The following PDE7A variants were observed in gnomAD, a reference collection of about 807,000 sequenced individuals.
PDE7A encodes the protein high affinity 3',5'-cyclic-AMP phosphodiesterase 7A.
Under a neutral mutation model 64.3 loss-of-function variants are expected in PDE7A, and 39 were observed. That is an observed-to-expected ratio of 0.61 (90% CI 0.47 to 0.79). The LOEUF is 0.79. Among genes scored for constraint, PDE7A ranks in the 30% least tolerant of loss-of-function variants. The pLI, the probability that PDE7A is intolerant of heterozygous loss-of-function variation, is 0.00. For missense variants in PDE7A, 470 were observed against 582.8 expected (o/e 0.81, Z 1.99); for synonymous variants, 203 against 206.8 (o/e 0.98, Z 0.16).
At chr8:65,719,699 G>T in intron 12 of PDE7A, 3 of 553,286 alleles carry the variant, frequency 5.4e-6, no homozygotes, top group South Asian at 2.5e-5. Context: ...GTAACTCAAT[G>T]GAAATTTGAG....
At chr8:65,738,273 C>T (rs752564175) in intron 6 of PDE7A, among the ~76,000 whole-genome samples, 64 of 123,870 alleles carry the variant, frequency 5.2e-4, no homozygotes, top group Non-Finnish European at 2.8e-4. Flanking sequence ...TTGTATATAA[C>T]CAAATAAATT....
chr8:65,837,833 T>C (rs376361833), intron 1 of PDE7A, among the ~76,000 whole-genome samples: 4 of 152,282 alleles, frequency 2.6e-5, no homozygotes, highest in African/African-American at 7.2e-5. Context: ...AATACCTGCA[T>C]CAGCTGCTCA....
chr8:65,769,752 C>T (rs1468067967), intron 3 of PDE7A, among the ~76,000 whole-genome samples: 2 of 152,156 alleles, frequency 1.3e-5, no homozygotes, highest in South Asian at 2.1e-4. Flanking sequence ...AAATATTAGC[C>T]GGGCATGGTA....
At chr8:65,746,358 T>A (rs1807676808) in intron 4 of PDE7A, among the ~76,000 whole-genome samples, 1 of 152,210 alleles carries the variant, frequency 6.6e-6, no homozygotes, top group African/African-American at 2.4e-5. Flanking sequence ...AACCTAGGCA[T>A]CTGACACTGA....
chr8:65,762,851 T>C (rs572398599), intron 3 of PDE7A, among the ~76,000 whole-genome samples: 33 of 152,220 alleles, frequency 2.2e-4, no homozygotes, highest in African/African-American at 7.7e-4. Flanking sequence ...AAAACAAGTA[T>C]ATTGGCCAAG....
intron 5 of PDE7A, among the ~76,000 whole-genome samples, chr8:65,743,487 A>ACAAACTT (rs1361107827): frequency 6.6e-6 from 1 of 152,220 alleles, no homozygotes; most frequent in East Asian, 1.9e-4. Context: ...GCTGATAAAG[A>ACAAACTT]CAAACTTCAC....
At chr8:65,766,261 C>G (rs1300275351) in intron 3 of PDE7A, among the ~76,000 whole-genome samples, 1 of 152,020 alleles carries the variant, frequency 6.6e-6, no homozygotes, top group African/African-American at 2.4e-5. Flanking sequence ...GAATTTTTGA[C>G]AAAAAAATCA....
chr8:65,809,017 G>A (rs112112716), intron 1 of PDE7A, among the ~76,000 whole-genome samples: 4,994 of 152,272 alleles, frequency 0.033, 108 homozygotes, highest in Non-Finnish European at 0.052. Flanking sequence ...CTCCTAAAGA[G>A]GATATAGTAA....
At chr8:65,762,942 GC>G (rs781324859) in intron 3 of PDE7A, among the ~76,000 whole-genome samples, 69 of 151,656 alleles carry the variant, frequency 4.5e-4, no homozygotes, top group Non-Finnish European at 8.2e-4. Flanking sequence ...TTCGAGACCA[GC>G]CTGGGCAACA....
intron 4 of PDE7A, among the ~76,000 whole-genome samples, chr8:65,747,380 T>C (rs538803834): frequency 4.6e-5 from 7 of 152,342 alleles, no homozygotes; most frequent in African/African-American, 1.4e-4. Context: ...TGAGATCTTA[T>C]AGTTTAATGT....
chr8:65,811,811 GA>G (rs1810265383), intron 1 of PDE7A, among the ~76,000 whole-genome samples: 1 of 152,142 alleles, frequency 6.6e-6, no homozygotes, highest in Admixed American at 6.5e-5. Context: ...CAGGGAGGGG[GA>G]AAAGAGAAAA....
intron 1 of PDE7A, among the ~76,000 whole-genome samples, chr8:65,838,030 TAAAA>T: frequency 7.0e-6 from 1 of 143,270 alleles, no homozygotes; most frequent in East Asian, 2.0e-4. Context: ...AAATATTTCT[TAAAA>T]AAAAAAAAAG....
At chr8:65,805,758 G>T (rs184620639) in intron 1 of PDE7A, among the ~76,000 whole-genome samples, 3 of 152,074 alleles carry the variant, frequency 2.0e-5, no homozygotes, top group Non-Finnish European at 2.9e-5. Context: ...GCTTCTGTTC[G>T]TAAGTCCCTA....
At chr8:65,778,142 C>T (rs1018341940) in intron 3 of PDE7A, among the ~76,000 whole-genome samples, 3 of 152,198 alleles carry the variant, frequency 2.0e-5, no homozygotes, top group African/African-American at 7.2e-5. Flanking sequence ...CCCTCCATGA[C>T]CCTGAGCAAG....
At chr8:65,774,833 A>G (rs944187882) in intron 3 of PDE7A, among the ~76,000 whole-genome samples, 11 of 152,194 alleles carry the variant, frequency 7.2e-5, no homozygotes, top group African/African-American at 2.7e-4. Context: ...TGTTTCTCAT[A>G]TCTGCTAATA....
chr8:65,838,408 A>C (rs956481707), intron 1 of PDE7A: 34 of 152,188 alleles, frequency 2.2e-4, no homozygotes, highest in African/African-American at 8.0e-4. Flanking sequence ...AATTCAAAAA[A>C]CTCACATTAA....
At position 65,827,967 on chromosome 8, in the gene PDE7A, T is replaced by G. The variant is rs76866230; in HGVS notation, c.138+13404A>C. 4.7e-3 allele frequency among the ~76,000 whole-genome samples: 719 copies of G among 152,286 alleles called. 13 individuals carry two copies. The highest frequency in any genetic ancestry group is 0.016 in the African/African-American group (683 of 41,564). On this transcript the variant is annotated intron_variant, in intron 1 of 12. Coordinates refer to ENST00000401827, the MANE Select transcript of PDE7A (RefSeq NM_001242318.3). ...TGCCAGGCACACAGGGCTATGGCAG[T>G]GAATAACCCACTTCCAACTCACATA... is the stretch of plus-strand genomic sequence containing the variant.
chr8:65,781,649 C>G (rs1211763749), intron 2 of PDE7A, among the ~76,000 whole-genome samples: 1 of 152,086 alleles, frequency 6.6e-6, no homozygotes, highest in Non-Finnish European at 1.5e-5. Flanking sequence ...AGGTTTCTGA[C>G]CTGATGACAG....
At chr8:65,796,276 CTA>C (rs1809841593) in intron 1 of PDE7A, among the ~76,000 whole-genome samples, 1 of 151,892 alleles carries the variant, frequency 6.6e-6, no homozygotes. Context: ...CTGATAACAA[CTA>C]TCAATCCATA....
Sources: allele counts gnomAD v4.1 joint callset (sites outside exome capture counted in the v4.1 genomes callset), GRCh38; gene constraint gnomAD v4.1.1; transcripts MANE v1.5; gene names NCBI Gene and HGNC (gene_info 2026-07-23, HGNC 2026-07-21).